The following ATP6V0A1 variants were observed in gnomAD, a reference collection of about 807,000 sequenced individuals.
ATP6V0A1 encodes the protein ATPase H+ transporting V0 subunit a1.
A neutral mutation model predicts 105.4 loss-of-function variants in ATP6V0A1; 43 were observed. The ratio of observed to expected loss-of-function variants is 0.41; its 90% CI spans 0.32 to 0.53. The LOEUF (loss-of-function observed/expected upper bound fraction) is 0.53, where lower values mean the gene tolerates loss of function less well. ATP6V0A1 is among the 20% of genes least tolerant of loss of function. ATP6V0A1 has a pLI of 0.30. For missense variants in ATP6V0A1, 676 were observed against 1,051.1 expected (o/e 0.64, Z 4.93); for synonymous variants, 362 against 372.8 (o/e 0.97, Z 0.33).
chr17:42,480,607 T>A lies in ATP6V0A1; in HGVS notation c.634-60T>A, dbSNP rs556721303. On this transcript the variant is annotated intron_variant, in intron 7 of 21. Coordinates refer to ENST00000343619, the MANE Select transcript of ATP6V0A1 (RefSeq NM_001130021.3). ...TGCATCACCAAAAAAGTGGGTTATT[T>A]AAGAGATTTTCATCCAGATACAGAA... 193 of 1,538,362 alleles carry A rather than the reference T, an allele frequency of 1.3e-4. 1 individual carries two copies. The South Asian group carries it at 2.3e-3, about 18-fold the overall frequency.
chr17:42,493,486 T>G (rs2090862272), intron 11 of ATP6V0A1, among the ~76,000 whole-genome samples: 2 of 152,168 alleles, frequency 1.3e-5, no homozygotes, highest in Admixed American at 6.5e-5. Context: ...TCATTTCCAC[T>G]GTTCTTTGTT....
chr17:42,504,179 TC>T (rs962193517), intron 17 of ATP6V0A1, among the ~76,000 whole-genome samples: 5 of 152,230 alleles, frequency 3.3e-5, no homozygotes, highest in Non-Finnish European at 7.3e-5. Context: ...CAAGAAAGTC[TC>T]TGGATTTTTG....
chr17:42,514,782 G>A (rs1025692880), intron 21 of ATP6V0A1, among the ~76,000 whole-genome samples: 7 of 152,092 alleles, frequency 4.6e-5, no homozygotes, highest in African/African-American at 1.7e-4. Context: ...TAGGGTTTCT[G>A]GTTTTCTCTC....
intron 19 of ATP6V0A1, among the ~76,000 whole-genome samples, chr17:42,512,325 A>G (rs948824884): frequency 6.6e-6 from 1 of 152,226 alleles, no homozygotes; most frequent in African/African-American, 2.4e-5. Flanking sequence ...GAGGTAGAAT[A>G]AAAACACTGA....
chr17:42,499,381 G>A (rs937808828), intron 15 of ATP6V0A1, among the ~76,000 whole-genome samples: 4 of 152,032 alleles, frequency 2.6e-5, no homozygotes, highest in Non-Finnish European at 5.9e-5. Flanking sequence ...TGAGGCAGGA[G>A]AATTGCTTGA....
chr17:42,478,374 T>A (rs1031582166), intron 6 of ATP6V0A1, 89 bp from the exon 7 acceptor site: 1 of 903,436 alleles, frequency 1.1e-6, no homozygotes, highest in South Asian at 4.3e-5. Flanking sequence ...AAAAGATATA[T>A]ATATAAATAT....
intron 8 of ATP6V0A1, among the ~76,000 whole-genome samples, chr17:42,482,687 AG>A (rs2089665976): frequency 6.6e-6 from 1 of 151,966 alleles, no homozygotes; most frequent in Admixed American, 6.6e-5. Context: ...GCCTAAGGTC[AG>A]GAGTTCGAGA....
chr17:42,489,742 G>A lies in ATP6V0A1; in HGVS notation c.1024-745G>A, dbSNP rs115711445. Among the ~76,000 whole-genome samples, 463 of 152,098 alleles carry A rather than the reference G, an allele frequency of 3.0e-3. 3 individuals carry two copies. Among genetic ancestry groups the A allele is most frequent in the African/African-American group, 0.011 (440 of 41,488 alleles). On this transcript the variant is annotated intron_variant, in intron 10 of 21. Transcript: ENST00000343619. ...GGGGAGAGATGGTAAGTTCAGTTCC[G>A]GGCACATTGAGGTCTATGTGGAAAT... is the stretch of plus-strand genomic sequence containing the variant.
chr17:42,506,728 TG>T (rs1567862470), intron 17 of ATP6V0A1, among the ~76,000 whole-genome samples: 2 of 152,238 alleles, frequency 1.3e-5, no homozygotes, highest in African/African-American at 4.8e-5. Flanking sequence ...TTTTTTGCTT[TG>T]GGTTTGGAAA....
At chr17:42,472,490 C>T (rs2088113776) in intron 5 of ATP6V0A1, among the ~76,000 whole-genome samples, 3 of 151,726 alleles carry the variant, frequency 2.0e-5, no homozygotes, top group South Asian at 2.1e-4. Context: ...TTTGGGAGGC[C>T]GAGGCAGGGG....
chr17:42,492,111 G>A (rs1294996678), intron 11 of ATP6V0A1, among the ~76,000 whole-genome samples: 1 of 152,142 alleles, frequency 6.6e-6, no homozygotes, highest in South Asian at 2.1e-4. Context: ...GCTCACGCCT[G>A]TAATCCCAGC....
intron 17 of ATP6V0A1, among the ~76,000 whole-genome samples, chr17:42,502,174 A>T (rs2091722610): frequency 6.6e-6 from 1 of 152,166 alleles, no homozygotes; most frequent in Admixed American, 6.5e-5. Context: ...AAAGTCACAA[A>T]TTTTTACCTT....
At chr17:42,477,832 AC>A in intron 6 of ATP6V0A1, 90 bp downstream of exon 6, 1 of 1,072,400 alleles carries the variant, frequency 9.3e-7, no homozygotes, top group Middle Eastern at 3.0e-4. Flanking sequence ...TTCACTTGCT[AC>A]CAGGATATGC....
rs1451848985 is a variant in ATP6V0A1, at chr17:42,497,304, A to AC, written c.1560+1588_1560+1589insC. Among the ~76,000 whole-genome samples the AC allele has an allele frequency of 8.1e-3, 1,225 of 150,380 alleles. 21 individuals carry two copies. Among genetic ancestry groups the AC allele is most frequent in the African/African-American group, 0.029 (1,164 of 40,734 alleles). ...GACAGAGTGAAGACCCTGTCTCAAA[A>AC]AAAAAAAAAAAAAAAAATGGTTTGG... On this transcript the variant is annotated intron_variant, in intron 14 of 21. Transcript: ENST00000343619.
intron 10 of ATP6V0A1, among the ~76,000 whole-genome samples, chr17:42,488,981 C>T (rs538743160): frequency 5.2e-4 from 73 of 139,650 alleles, no homozygotes; most frequent in Non-Finnish European, 9.6e-4. Flanking sequence ...TGCCACTGCA[C>T]TCCAGCCTGG....
At chr17:42,486,373 T>G (rs2090114875) in intron 9 of ATP6V0A1, among the ~76,000 whole-genome samples, 1 of 151,764 alleles carries the variant, frequency 6.6e-6, no homozygotes, top group African/African-American at 2.4e-5. Context: ...ACCACGCCAC[T>G]GCACTCCAGC....
At chr17:42,501,938 G>A (rs1036134333) in intron 17 of ATP6V0A1, among the ~76,000 whole-genome samples, 12 of 152,102 alleles carry the variant, frequency 7.9e-5, no homozygotes, top group Non-Finnish European at 1.5e-4. Flanking sequence ...GGAGGCTGAG[G>A]TGGAAGGATC....
chr17:42,496,651 G>C (rs2091210161), intron 14 of ATP6V0A1: 2 of 152,122 alleles, frequency 1.3e-5, no homozygotes, highest in African/African-American at 4.8e-5. Flanking sequence ...GACCAGCCTG[G>C]TCAACATGGT....
chr17:42,465,935 C>T (rs2145664579), intron 2 of ATP6V0A1, among the ~76,000 whole-genome samples: 1 of 152,160 alleles, frequency 6.6e-6, no homozygotes, highest in African/African-American at 2.4e-5. Flanking sequence ...CACTGCACTC[C>T]AGCCTGGTGA....
Sources: gnomAD v4.1 joint callset for allele counts (sites outside exome capture counted in the v4.1 genomes callset) on GRCh38, gnomAD v4.1.1 for gene constraint, MANE v1.5 for transcripts, NCBI Gene and HGNC (gene_info 2026-07-23, HGNC 2026-07-21) for gene names.